The following FAM227B variants were observed in gnomAD, a reference collection of about 807,000 sequenced individuals.
FAM227B encodes the protein family with sequence similarity 227 member B.
Under a neutral mutation model 73.8 loss-of-function variants are expected in FAM227B, and 88 were observed. The observed-to-expected ratio is 1.19, with a 90% CI of 1.00 to 1.42. The LOEUF (loss-of-function observed/expected upper bound fraction) is 1.42, where lower values mean the gene tolerates loss of function less well. Among genes scored for constraint, FAM227B ranks in the 40% most tolerant of loss-of-function variants. The probability of loss-of-function intolerance (pLI) is 0.00; values close to 1 mark genes in which losing one functional copy is unlikely to be tolerated. For missense variants in FAM227B, 632 were observed against 590.9 expected, an observed-to-expected ratio of 1.07 and a Z score of -0.72; for synonymous variants, 210 against 190.5, an observed-to-expected ratio of 1.10 and a Z score of -0.84.
intron 9 of FAM227B, among the ~76,000 whole-genome samples, chr15:49,553,559 G>T (rs551247589): frequency 3.9e-5 from 6 of 152,260 alleles, no homozygotes; most frequent in African/African-American, 1.4e-4. Flanking sequence ...TGTGCTGCCT[G>T]GGAGCCAGAG....
At chr15:49,366,961 C>T (rs1398287107) in intron 13 of FAM227B, among the ~76,000 whole-genome samples, 1 of 152,156 alleles carries the variant, frequency 6.6e-6, no homozygotes, top group Non-Finnish European at 1.5e-5. Context: ...ACCCCTGCTT[C>T]AACCAAAGAG....
intron 3 of FAM227B, among the ~76,000 whole-genome samples, chr15:49,592,118 C>T (rs1266153062): frequency 6.6e-6 from 1 of 152,074 alleles, no homozygotes; most frequent in African/African-American, 2.4e-5. Flanking sequence ...AGAACATGTT[C>T]CTTTAGCTCA....
intron 11 of FAM227B, among the ~76,000 whole-genome samples, chr15:49,380,086 G>A (rs909576805): frequency 1.3e-5 from 2 of 152,154 alleles, no homozygotes; most frequent in African/African-American, 4.8e-5. Context: ...TTACAGCTGA[G>A]CTGGCACTCA....
intron 11 of FAM227B, among the ~76,000 whole-genome samples, chr15:49,507,089 AC>A (rs1235649293): frequency 6.7e-6 from 1 of 150,026 alleles, no homozygotes; most frequent in African/African-American, 2.4e-5. Context: ...ATAGCCCCCC[AC>A]CCCCCATAAC....
chr15:49,337,388 C>G (rs1179748375), intron 13 of FAM227B, among the ~76,000 whole-genome samples: 1 of 151,686 alleles, frequency 6.6e-6, no homozygotes, highest in African/African-American at 2.4e-5. Flanking sequence ...GTCATCCTGA[C>G]TGGAGTGAGA....
At chr15:49,365,966 A>T (rs917978114) in intron 13 of FAM227B, 90 of 856,108 alleles carry the variant, frequency 1.1e-4, no homozygotes, top group Non-Finnish European at 1.7e-4. Flanking sequence ...CATTTGTGGA[A>T]GAAATAAAGT....
intron 11 of FAM227B, among the ~76,000 whole-genome samples, chr15:49,414,144 T>G (rs1194715268): frequency 6.6e-6 from 1 of 152,078 alleles, no homozygotes; most frequent in Admixed American, 6.6e-5. Context: ...ACAGAGTAAG[T>G]GTTGATTTAA....
chr15:49,500,030 A>G (rs1400759095), intron 11 of FAM227B, among the ~76,000 whole-genome samples: 1 of 152,206 alleles, frequency 6.6e-6, no homozygotes, highest in Admixed American at 6.5e-5. Flanking sequence ...TTGTTTTTTA[A>G]AAGATGTTAT....
intron 11 of FAM227B, among the ~76,000 whole-genome samples, chr15:49,393,254 G>A (rs2047339146): frequency 6.6e-6 from 1 of 152,106 alleles, no homozygotes; most frequent in Non-Finnish European, 1.5e-5. Flanking sequence ...AGAGTTCAAT[G>A]TGTTTTCCTC....
chr15:49,606,585 C>T (rs190121942), intron 3 of FAM227B, among the ~76,000 whole-genome samples: 23 of 152,310 alleles, frequency 1.5e-4, no homozygotes, highest in Non-Finnish European at 5.9e-5. Flanking sequence ...CTCTGACCTC[C>T]CACATCAGAG....
At chr15:49,597,133 T>C (rs1383383380) in intron 3 of FAM227B, among the ~76,000 whole-genome samples, 1 of 151,982 alleles carries the variant, frequency 6.6e-6, no homozygotes, top group Non-Finnish European at 1.5e-5. Context: ...TTAACAGATA[T>C]TTACAGAACA....
At chr15:49,489,803 T>TTTATA (rs2056749133) in intron 11 of FAM227B, among the ~76,000 whole-genome samples, 1 of 57,314 alleles carries the variant, frequency 1.7e-5, no homozygotes, top group South Asian at 6.3e-4. Flanking sequence ...TATATATATT[T>TTTATA]TATATATATA....
intron 11 of FAM227B, among the ~76,000 whole-genome samples, chr15:49,409,313 G>A (rs1002888169): frequency 6.6e-6 from 1 of 152,020 alleles, no homozygotes; most frequent in African/African-American, 2.4e-5. Context: ...AAAATAAACC[G>A]TATGTTGAAA....
At chr15:49,477,031 GC>G (rs2055396783) in intron 11 of FAM227B, among the ~76,000 whole-genome samples, 1 of 149,850 alleles carries the variant, frequency 6.7e-6, no homozygotes, top group African/African-American at 2.5e-5. Context: ...CTGCACTCCA[GC>G]CTGGGCGACA....
At position 49,575,036 on chromosome 15, in the gene FAM227B, CAA is replaced by C. The variant is rs1207904660; in HGVS notation, c.618_619del (p.Phe206LeufsTer7). On this transcript the variant is annotated frameshift_variant, in exon 8 of 16. Transcript: ENST00000299338. LOFTEE classifies it high-confidence loss of function. The stretch of plus-strand genomic sequence containing the variant: ...CCTAAATTTATGGAGAAACCACCAC[CAA>C]AAGGAGTCATGCAAAAGAGCAATGG... The C allele has an allele frequency of 6.3e-7, 1 of 1,593,848 alleles. No homozygotes were observed. The highest frequency in any genetic ancestry group is 1.4e-5 in the African/African-American group (1 of 73,812).
In FAM227B at chr15:49,489,837, TA is replaced by T. The variant is rs1567382028; in HGVS notation, c.1012+18373del. ...TATATATATTTTATATATATATATATATTTTATATATATATATATATTTTAT... is the reference window on the plus strand; with the variant it reads ...TATATATATTTTATATATATATATATTTTTATATATATATATATATTTTAT... On this transcript the variant is annotated intron_variant, in intron 11 of 15. Coordinates refer to ENST00000299338, the MANE Select transcript of FAM227B (RefSeq NM_152647.3). Among the ~76,000 whole-genome samples the T allele has an allele frequency of 1.5e-3, 48 of 31,158 alleles. 6 individuals carry two copies. Among genetic ancestry groups the T allele is most frequent in the South Asian group, 4.7e-3 (4 of 844 alleles). The allele number at this position is 31,158 out of a possible 152,430, so 20.4% of individuals were successfully genotyped here.
chr15:49,513,222 C>A (rs973320034), intron 10 of FAM227B, among the ~76,000 whole-genome samples: 5 of 152,184 alleles, frequency 3.3e-5, no homozygotes, highest in Non-Finnish European at 7.3e-5. Context: ...TTCCCACCAA[C>A]AATGTAAAAG....
At chr15:49,516,194 C>G (rs1432513180) in intron 10 of FAM227B, among the ~76,000 whole-genome samples, 1 of 152,072 alleles carries the variant, frequency 6.6e-6, no homozygotes, top group Non-Finnish European at 1.5e-5. Flanking sequence ...CCCTTTCCTT[C>G]AGTGACTGCT....
chr15:49,486,617 A>G (rs1020202947), intron 11 of FAM227B: 2 of 152,004 alleles, frequency 1.3e-5, no homozygotes, highest in African/African-American at 4.8e-5. Context: ...GTGTATATAC[A>G]TATAAAATAC....
Sources: gnomAD v4.1 joint callset for allele counts (sites outside exome capture counted in the v4.1 genomes callset) on GRCh38, gnomAD v4.1.1 for gene constraint, MANE v1.5 for transcripts, NCBI Gene and HGNC (gene_info 2026-07-23, HGNC 2026-07-21) for gene names.